TIAM2: variants seen among roughly 807,000 people sequenced by gnomAD.
The protein encoded by TIAM2 is rho guanine nucleotide exchange factor TIAM2.
Under a neutral mutation model 152.9 loss-of-function variants are expected in TIAM2, and 80 were observed. The observed-to-expected ratio is 0.52, with a 90% CI of 0.44 to 0.63. The LOEUF is 0.63. Among genes scored for constraint, TIAM2 ranks in the 30% least tolerant of loss-of-function variants. The probability of loss-of-function intolerance (pLI) is 0.00; values close to 1 mark genes in which losing one functional copy is unlikely to be tolerated. For missense variants in TIAM2, 1,965 were observed against 2,120.1 expected (o/e 0.93, Z 1.44); for synonymous variants, 804 against 838.0 (o/e 0.96, Z 0.70).
At chr6:154,996,002 G>C (rs1211912455) in intron 1 of TIAM2, among the ~76,000 whole-genome samples, 1 of 152,036 alleles carries the variant, frequency 6.6e-6, no homozygotes, top group African/African-American at 2.4e-5. Context: ...AGTGTAGACC[G>C]TGCGGTCCCT....
intron 2 of TIAM2, among the ~76,000 whole-genome samples, chr6:155,106,401 G>A (rs1778690784): frequency 6.6e-6 from 1 of 152,114 alleles, no homozygotes; most frequent in African/African-American, 2.4e-5. Flanking sequence ...TTTTATTTAA[G>A]ATAATTTAAT....
rs200180383 is a variant in TIAM2 at position 155,130,268 on chromosome 6, G to A, written c.1045G>A (p.Asp349Asn). 1.3e-5 allele frequency: 21 copies of A among 1,614,182 alleles called. No individual in the cohort carries two copies. The African/African-American group carries it at 2.1e-4, about 16-fold the overall frequency. ...IDVPSRVAHG[D>N]PIQYSSFTLP... ...TGTGCCCTCCAGAGTGGCACACGGGGACCCCATCCAGTACAGTTCCTTCAC... is the reference window on the plus strand; with the variant it reads ...TGTGCCCTCCAGAGTGGCACACGGGAACCCCATCCAGTACAGTTCCTTCAC... The change falls in exon 4 of 27, where the codon GAC becomes AAC. Residue 349 changes from aspartate (D) to asparagine (N), a missense_variant. By Grantham distance (23) the Asp-to-Asn change is conservative (BLOSUM62 1). This residue lies in a region of TIAM2 where 1,025 missense variants were observed against 1,119.4 expected (regional missense o/e 0.92). Coordinates refer to ENST00000682666, the MANE Select transcript of TIAM2 (RefSeq NM_012454.4).
chr6:155,076,021 G>A (rs1188339932), intron 1 of TIAM2, among the ~76,000 whole-genome samples: 2 of 152,172 alleles, frequency 1.3e-5, no homozygotes, highest in East Asian at 3.8e-4. Flanking sequence ...GACAGGGCAG[G>A]TTTTCAGTCT....
chr6:155,101,633 A>T (rs1778551268), intron 2 of TIAM2, among the ~76,000 whole-genome samples: 1 of 152,146 alleles, frequency 6.6e-6, no homozygotes, highest in African/African-American at 2.4e-5. Flanking sequence ...AAGAATATGG[A>T]AGGAGTTTTT....
At chr6:155,049,072 A>G (rs1430241968) in intron 1 of TIAM2, among the ~76,000 whole-genome samples, 1 of 152,104 alleles carries the variant, frequency 6.6e-6, no homozygotes, top group African/African-American at 2.4e-5. Flanking sequence ...AAGTGCTGAG[A>G]TTACAGATGT....
chr6:155,158,325 A>G (rs183806086), intron 7 of TIAM2, among the ~76,000 whole-genome samples: 280 of 152,324 alleles, frequency 1.8e-3, no homozygotes, highest in Non-Finnish European at 3.1e-3. Context: ...TTCTGAGTTC[A>G]TTAAATCAGT....
intron 7 of TIAM2, among the ~76,000 whole-genome samples, chr6:155,157,064 G>A (rs1239357318): frequency 5.3e-5 from 8 of 152,128 alleles, no homozygotes; most frequent in African/African-American, 9.7e-5. Flanking sequence ...TATAAAATAC[G>A]TGCTCCTGGA....
chr6:154,996,707 A>G lies in TIAM2; in HGVS notation c.-209+1215A>G, dbSNP rs138280959. On this transcript the variant is annotated intron_variant, in intron 1 of 26. Coordinates refer to ENST00000682666, the MANE Select transcript of TIAM2 (RefSeq NM_012454.4). ...ATGGTTTTATAATTTGGGCTTAACC[A>G]GTAGAACTTGTGTGTATACACTCTT... Among the ~76,000 whole-genome samples the G allele has an allele frequency of 2.0e-5, 3 of 152,354 alleles. No homozygotes were observed. In the East Asian group the frequency reaches 5.8e-4, roughly 29 times the overall value.
chr6:155,082,321 C>T (rs1778080310), intron 1 of TIAM2, among the ~76,000 whole-genome samples: 1 of 152,022 alleles, frequency 6.6e-6, no homozygotes, highest in Admixed American at 6.6e-5. Flanking sequence ...CCAGCCTGGG[C>T]AGCAGAGCAA....
At chr6:155,029,576 ATATATAAC>A (rs1776774093) in intron 1 of TIAM2, among the ~76,000 whole-genome samples, 1 of 92,918 alleles carries the variant, frequency 1.1e-5, no homozygotes, top group Admixed American at 1.5e-4. Flanking sequence ...ATATAATAGT[ATATATAAC>A]TATATAGTAT....
intron 1 of TIAM2, among the ~76,000 whole-genome samples, chr6:155,076,283 G>A (rs183106706): frequency 1.3e-4 from 20 of 152,162 alleles, no homozygotes; most frequent in African/African-American, 2.6e-4. Flanking sequence ...ACTCTGTGGC[G>A]TTCCAAAAAT....
chr6:155,053,081 T>C (rs2114926293), intron 1 of TIAM2, among the ~76,000 whole-genome samples: 1 of 152,348 alleles, frequency 6.6e-6, no homozygotes, highest in Non-Finnish European at 1.5e-5. Context: ...TCGTACTTTT[T>C]ATGATATAAT....
intron 7 of TIAM2, among the ~76,000 whole-genome samples, chr6:155,161,222 A>G (rs1249946336): frequency 8.6e-6 from 1 of 116,610 alleles, no homozygotes; most frequent in Non-Finnish European, 2.0e-5. Flanking sequence ...TCTCACTCTG[A>G]TAACCCCAGC....
chr6:155,234,539 A>T (rs1285161093), intron 15 of TIAM2, among the ~76,000 whole-genome samples: 1 of 152,198 alleles, frequency 6.6e-6, no homozygotes, highest in Non-Finnish European at 1.5e-5. Flanking sequence ...AGTAGCTGGG[A>T]CCATAGGCGT....
chr6:155,081,981 C>T (rs1778071617), intron 1 of TIAM2, among the ~76,000 whole-genome samples: 1 of 152,116 alleles, frequency 6.6e-6, no homozygotes, highest in Non-Finnish European at 1.5e-5. Context: ...CTCTTTCATC[C>T]CTATCCTGCC....
At chr6:155,001,668 G>T (rs1778314262) in intron 1 of TIAM2, among the ~76,000 whole-genome samples, 1 of 152,218 alleles carries the variant, frequency 6.6e-6, no homozygotes. Context: ...GAGGTTTGTA[G>T]ATTGAGTAAC....
At chr6:155,029,761 GA>G (rs556726316) in intron 1 of TIAM2, among the ~76,000 whole-genome samples, 3 of 107,124 alleles carry the variant, frequency 2.8e-5, no homozygotes, top group East Asian at 2.1e-4. Flanking sequence ...TATATATGTA[GA>G]AAAAAACCTA....
intron 14 of TIAM2, among the ~76,000 whole-genome samples, chr6:155,192,909 A>G (rs936169603): frequency 3.3e-5 from 5 of 152,198 alleles, no homozygotes; most frequent in Non-Finnish European, 7.3e-5. Flanking sequence ...CATTTCTTCA[A>G]GGTTGGTTGC....
intron 14 of TIAM2, among the ~76,000 whole-genome samples, chr6:155,187,573 C>CCTCTTT (rs1189509294): frequency 4.0e-5 from 2 of 49,614 alleles, no homozygotes; most frequent in Non-Finnish European, 7.4e-5. Flanking sequence ...ACCCCGCCCC[C>CCTCTTT]TTTTTTTTTT....
Sources: allele counts gnomAD v4.1 joint callset (sites outside exome capture counted in the v4.1 genomes callset), GRCh38; gene constraint gnomAD v4.1.1; regional missense constraint gnomAD v4.1.1; transcripts MANE v1.5; gene names NCBI Gene and HGNC (gene_info 2026-07-23, HGNC 2026-07-21).